RIMBP2: variants seen among roughly 807,000 people sequenced by gnomAD.
RIMBP2 encodes RIMS binding protein 2.
RIMBP2 carries 48 observed loss-of-function variants against 118.6 expected under a neutral mutation model. The observed-to-expected ratio is 0.40, with a 90% CI of 0.32 to 0.51. RIMBP2 has a LOEUF of 0.51. RIMBP2 is among the 20% of genes least tolerant of loss of function. RIMBP2 has a pLI of 0.41. For synonymous variants in RIMBP2, 762 were observed against 742.9 expected, an observed-to-expected ratio of 1.03 and a Z score of -0.42; for missense variants, 1,551 against 1,768.3, an observed-to-expected ratio of 0.88 and a Z score of 2.20.
At chr12:130,498,563 G>A (rs1384290336) in intron 4 of RIMBP2, among the ~76,000 whole-genome samples, 3 of 130,904 alleles carry the variant, frequency 2.3e-5, no homozygotes, top group Non-Finnish European at 4.6e-5. Context: ...AGGTGGCCAC[G>A]AAAGCAACAT....
At chr12:130,449,970 G>C (rs990395788) in intron 9 of RIMBP2, among the ~76,000 whole-genome samples, 5 of 152,096 alleles carry the variant, frequency 3.3e-5, no homozygotes, top group Non-Finnish European at 7.3e-5. Flanking sequence ...GAAACCTGTA[G>C]TTTCAGGCCA....
intron 4 of RIMBP2, among the ~76,000 whole-genome samples, chr12:130,491,457 G>A (rs2048634907): frequency 6.6e-6 from 1 of 152,188 alleles, no homozygotes; most frequent in Non-Finnish European, 1.5e-5. Flanking sequence ...CAGTACACAT[G>A]AGAACCTTTT....
intron 1 of RIMBP2, among the ~76,000 whole-genome samples, chr12:130,682,269 C>A (rs2064826847): frequency 6.6e-6 from 1 of 152,246 alleles, no homozygotes; most frequent in Non-Finnish European, 1.5e-5. Flanking sequence ...TCTGCTCTCC[C>A]TTCCCCTACT....
intron 2 of RIMBP2, among the ~76,000 whole-genome samples, chr12:130,561,034 T>C (rs1193660485): frequency 6.6e-6 from 1 of 152,078 alleles, no homozygotes; most frequent in Non-Finnish European, 1.5e-5. Flanking sequence ...CAGAGACAGA[T>C]ACAAAGAGAA....
chr12:130,653,699 G>C (rs1439822486), intron 1 of RIMBP2, among the ~76,000 whole-genome samples: 3 of 152,202 alleles, frequency 2.0e-5, no homozygotes, highest in African/African-American at 7.2e-5. Context: ...TTGGAACCCA[G>C]ACTTTCCCAT....
rs915912511 is a variant in RIMBP2, at chr12:130,665,090, C to T, written c.-351-36634G>A. On this transcript the variant is annotated intron_variant, in intron 1 of 22. Coordinates refer to ENST00000690449, the MANE Select transcript of RIMBP2 (RefSeq NM_001393629.1). ...CAACTCCTGGCTTCACCAAACCCTA[C>T]CACAACTCCTGGCTACGTGAAGAGG... Among the ~76,000 whole-genome samples, 3 of 151,758 alleles carry T rather than the reference C, an allele frequency of 2.0e-5. No homozygotes were observed. The South Asian group carries it at 6.2e-4, about 31-fold the overall frequency.
At chr12:130,595,884 A>C (rs560435790) in intron 2 of RIMBP2, among the ~76,000 whole-genome samples, 1 of 152,346 alleles carries the variant, frequency 6.6e-6, no homozygotes, top group East Asian at 1.9e-4. Context: ...AGGCGGAAGG[A>C]CTCAACGTAC....
rs370191106 is a variant in RIMBP2 at position 130,703,050 on chromosome 12, G to A, written c.-352+13172C>T. Among the ~76,000 whole-genome samples the A allele has an allele frequency of 3.9e-5, 6 of 152,110 alleles. No homozygotes were observed. The highest frequency in any genetic ancestry group is 6.5e-5 in the Admixed American group (1 of 15,268). ...AAATGCTGCTGCTACTCAGATGCCC[G>A]GAGAAGTTCATTAGAACAGGATTTT... On this transcript the variant is annotated intron_variant, in intron 1 of 22. Transcript: ENST00000690449. The surrounding 1 kb of genome is among the most constrained non-coding windows in gnomAD (Gnocchi z 5.7).
intron 2 of RIMBP2, among the ~76,000 whole-genome samples, chr12:130,539,755 A>G (rs2054412514): frequency 1.1e-5 from 1 of 87,360 alleles, no homozygotes; most frequent in South Asian, 5.3e-4. Context: ...GATATGGCAA[A>G]TGCAGTCCAT....
chr12:130,590,542 C>G (rs546389964), intron 2 of RIMBP2, among the ~76,000 whole-genome samples: 2 of 152,306 alleles, frequency 1.3e-5, no homozygotes, highest in East Asian at 3.9e-4. Context: ...ACAGCACACA[C>G]TTTTCAGCTG....
chr12:130,693,084 C>T (rs1406801440), intron 1 of RIMBP2, among the ~76,000 whole-genome samples: 3 of 152,010 alleles, frequency 2.0e-5, no homozygotes, highest in Admixed American at 6.6e-5. Context: ...ACCTAAGACA[C>T]GATTTGAACA....
chr12:130,579,998 CATGGTA>C (rs2058350419), intron 2 of RIMBP2, among the ~76,000 whole-genome samples: 1 of 123,144 alleles, frequency 8.1e-6, no homozygotes, highest in Admixed American at 1.0e-4. Flanking sequence ...GCCTGGCCAA[CATGGTA>C]AAACACTGTC....
At chr12:130,587,756 C>T (rs1214697577) in intron 2 of RIMBP2, among the ~76,000 whole-genome samples, 1 of 138,634 alleles carries the variant, frequency 7.2e-6, no homozygotes, top group Non-Finnish European at 1.5e-5. Flanking sequence ...GTGCAGCGCA[C>T]CAGCCTGGCA....
Position 130,468,355 on chromosome 12 carries a change from C to T in RIMBP2, c.153+2338G>A, listed in dbSNP as rs1453345484. Among the ~76,000 whole-genome samples, 3 of 152,192 alleles carry T rather than the reference C, an allele frequency of 2.0e-5. No homozygotes were observed. In the East Asian group the frequency reaches 5.8e-4, roughly 29 times the overall value. ...GGGTGATTACAGCCAACCTTGGGCC[C>T]CTCCCTGAGGGGTTTGGATTCAGCA... On this transcript the variant is annotated intron_variant, in intron 6 of 22. Transcript: ENST00000690449.
chr12:130,484,437 C>T (rs1198004109), intron 4 of RIMBP2, among the ~76,000 whole-genome samples: 1 of 152,220 alleles, frequency 6.6e-6, no homozygotes, highest in African/African-American at 2.4e-5. Flanking sequence ...GCCGCCCGGC[C>T]CCTCCTGGAT....
At position 130,469,891 on chromosome 12, in the gene RIMBP2, G is replaced by A. The variant is rs367775678; in HGVS notation, c.153+802C>T. Reference sequence around the variant, plus strand: ...GGTGAATTACACGATCCTTGACTTCGGCAGGTGGGGGCCCCAGCTCACTGT... The same window carrying A: ...GGTGAATTACACGATCCTTGACTTCAGCAGGTGGGGGCCCCAGCTCACTGT... On this transcript the variant is annotated intron_variant, in intron 6 of 22. Coordinates refer to ENST00000690449, the MANE Select transcript of RIMBP2 (RefSeq NM_001393629.1). This position sits in a 1 kb window ranked among gnomAD's most constrained non-coding sequence, Gnocchi z 4.8. Among the ~76,000 whole-genome samples the A allele has an allele frequency of 1.2e-3, 188 of 152,268 alleles. 1 individual carries two copies. Among genetic ancestry groups the A allele is most frequent in the African/African-American group, 3.8e-3 (158 of 41,540 alleles).
intron 7 of RIMBP2, among the ~76,000 whole-genome samples, chr12:130,453,145 G>A (rs111710971): frequency 5.3e-5 from 8 of 152,378 alleles, no homozygotes; most frequent in African/African-American, 1.9e-4. Flanking sequence ...GCTGCGCCAG[G>A]GATAGGAGAG....
chr12:130,462,145 C>A (rs1246056302), intron 6 of RIMBP2, among the ~76,000 whole-genome samples: 1 of 152,166 alleles, frequency 6.6e-6, no homozygotes, highest in Non-Finnish European at 1.5e-5. Flanking sequence ...GGATCAAATG[C>A]CCTCATGGCC....
intron 4 of RIMBP2, among the ~76,000 whole-genome samples, chr12:130,494,927 G>A (rs921817531): frequency 3.9e-5 from 6 of 152,212 alleles, no homozygotes; most frequent in African/African-American, 1.2e-4. Flanking sequence ...GGATCCTCTC[G>A]TGGAACCTCT....
Sources: gnomAD v4.1 joint callset for allele counts (sites outside exome capture counted in the v4.1 genomes callset) on GRCh38, gnomAD v4.1.1 for gene constraint, Gnocchi (gnomAD v3.1) non-coding constraint, MANE v1.5 for transcripts, NCBI Gene and HGNC (gene_info 2026-07-23, HGNC 2026-07-21) for gene names.